Variants in CNBD1 observed in about 807,000 individuals in gnomAD.
CNBD1 encodes cyclic nucleotide binding domain containing 1.
Under a neutral mutation model 54.4 loss-of-function variants are expected in CNBD1, and 71 were observed. The ratio of observed to expected loss-of-function variants is 1.30; its 90% CI spans 1.08 to 1.59. The LOEUF is 1.59. CNBD1 is among the 40% of genes most tolerant of loss of function. CNBD1 has a pLI of 0.00. For synonymous variants in CNBD1, 182 were observed against 170.7 expected (o/e 1.07, Z -0.51); for missense variants, 659 against 518.0 (o/e 1.27, Z -2.64).
intron 4 of CNBD1, among the ~76,000 whole-genome samples, chr8:87,183,759 G>A (rs961330595): frequency 6.6e-6 from 1 of 152,144 alleles, no homozygotes; most frequent in Non-Finnish European, 1.5e-5. Context: ...TACATGTTGG[G>A]TTTAGTTGAT....
chr8:87,375,849 G>C (rs1488271060), intron 10 of CNBD1, among the ~76,000 whole-genome samples: 1 of 151,820 alleles, frequency 6.6e-6, no homozygotes, highest in Non-Finnish European at 1.5e-5. Flanking sequence ...ATATGCTTTT[G>C]GAAAATATAT....
intron 2 of CNBD1, among the ~76,000 whole-genome samples, chr8:87,411,569 A>T (rs1178349639): frequency 6.6e-6 from 1 of 150,628 alleles, no homozygotes; most frequent in Non-Finnish European, 1.5e-5. Context: ...TCACTTATTA[A>T]AATTAAATTT....
intron 4 of CNBD1, among the ~76,000 whole-genome samples, chr8:87,184,846 AG>A (rs1013542121): frequency 2.5e-4 from 38 of 152,284 alleles, no homozygotes; most frequent in African/African-American, 8.9e-4. Flanking sequence ...TGTGTCTGTC[AG>A]CCATCTTGGC....
chr8:87,357,583 G>T (rs1423763709), intron 10 of CNBD1, among the ~76,000 whole-genome samples: 2 of 152,064 alleles, frequency 1.3e-5, no homozygotes, highest in Non-Finnish European at 2.9e-5. Flanking sequence ...ATGTTTACTT[G>T]ATTTCTTTAG....
chr8:87,182,600 A>T lies in CNBD1; in HGVS notation c.432-23393A>T, dbSNP rs937690473. Among the ~76,000 whole-genome samples, 1 of 151,616 alleles carries T rather than the reference A, an allele frequency of 6.6e-6. No individual in the cohort carries two copies. The highest frequency in any genetic ancestry group is 2.4e-5 in the African/African-American group (1 of 41,238). ...TGATAGCCATTCTGACTGATACGAG[A>T]TGGTATCTCATCGTGGTTTTGATTT... On this transcript the variant is annotated intron_variant, in intron 4 of 10. Coordinates refer to ENST00000518476, the MANE Select transcript of CNBD1 (RefSeq NM_173538.3). This position sits in a 1 kb window ranked among gnomAD's most constrained non-coding sequence, Gnocchi z 4.1.
intron 10 of CNBD1, among the ~76,000 whole-genome samples, chr8:87,377,921 T>A (rs975297687): frequency 3.3e-5 from 5 of 149,948 alleles, no homozygotes; most frequent in Admixed American, 6.7e-5. Flanking sequence ...GAGCATTTTT[T>A]CATGTGTTTT....
At chr8:87,379,819 TA>T (rs1394295219) in intron 10 of CNBD1, among the ~76,000 whole-genome samples, 1 of 151,920 alleles carries the variant, frequency 6.6e-6, no homozygotes, top group Non-Finnish European at 1.5e-5. Context: ...GAAGTTGAAG[TA>T]GAATTATAAA....
chr8:87,162,709 C>A (rs538724833), intron 4 of CNBD1, among the ~76,000 whole-genome samples: 104 of 152,194 alleles, frequency 6.8e-4, no homozygotes, highest in African/African-American at 2.4e-3. Flanking sequence ...GATCTCTCTG[C>A]TCCCAAAATT....
intron 8 of CNBD1, among the ~76,000 whole-genome samples, chr8:87,287,566 C>T (rs375707453): frequency 2.0e-5 from 3 of 152,096 alleles, no homozygotes; most frequent in Non-Finnish European, 4.4e-5. Context: ...AGTTCTAAAA[C>T]GAATGAATCT....
At chr8:87,301,646 A>G (rs1257334887) in intron 8 of CNBD1, among the ~76,000 whole-genome samples, 1 of 152,186 alleles carries the variant, frequency 6.6e-6, no homozygotes, top group Non-Finnish European at 1.5e-5. Context: ...AACTAAGAGC[A>G]GAACTGAAGG....
At chr8:87,011,462 T>C (rs1348283796) in intron 4 of CNBD1, among the ~76,000 whole-genome samples, 1 of 152,200 alleles carries the variant, frequency 6.6e-6, no homozygotes, top group Non-Finnish European at 1.5e-5. Context: ...TTATTTGTTC[T>C]TGTTGAAAAA....
chr8:86,972,877 G>A (rs1273075875), intron 4 of CNBD1, among the ~76,000 whole-genome samples: 1 of 152,066 alleles, frequency 6.6e-6, no homozygotes, highest in Non-Finnish European at 1.5e-5. Flanking sequence ...TGCAACTGTA[G>A]CCCTCTCAGG....
intron 4 of CNBD1, among the ~76,000 whole-genome samples, chr8:87,159,887 AG>A (rs1195189202): frequency 1.3e-5 from 2 of 151,988 alleles, no homozygotes; most frequent in Admixed American, 1.3e-4. Context: ...TTATATTTAA[AG>A]GGGGTGGATA....
intron 10 of CNBD1, among the ~76,000 whole-genome samples, chr8:87,367,648 TTA>T (rs1810667763): frequency 6.6e-6 from 1 of 152,138 alleles, no homozygotes; most frequent in African/African-American, 2.4e-5. Context: ...TCTACATACT[TTA>T]TATGTTTTAT....
At chr8:86,867,149 CT>C (rs1247098425) in intron 1 of CNBD1, among the ~76,000 whole-genome samples, 1 of 152,054 alleles carries the variant, frequency 6.6e-6, no homozygotes, top group Admixed American at 6.6e-5. Context: ...ACAGTATTTT[CT>C]CATTTTATGT....
At chr8:87,008,689 A>G (rs1411626631) in intron 4 of CNBD1, among the ~76,000 whole-genome samples, 2 of 152,220 alleles carry the variant, frequency 1.3e-5, no homozygotes, top group Non-Finnish European at 2.9e-5. Flanking sequence ...AACAAAACTG[A>G]GTTGATGTTA....
At chr8:87,281,256 T>C (rs1808592183) in intron 6 of CNBD1, among the ~76,000 whole-genome samples, 1 of 151,318 alleles carries the variant, frequency 6.6e-6, no homozygotes, top group Non-Finnish European at 1.5e-5. Flanking sequence ...GTCTAAAATT[T>C]ACAAATGTAA....
intron 2 of CNBD1, among the ~76,000 whole-genome samples, chr8:86,901,432 T>A (rs1808931260): frequency 6.6e-6 from 1 of 152,186 alleles, no homozygotes; most frequent in African/African-American, 2.4e-5. Flanking sequence ...GGCAAACACA[T>A]AAATATAATT....
chr8:87,393,747 C>A (rs1811356627), intron 2 of CNBD1, among the ~76,000 whole-genome samples: 1 of 151,598 alleles, frequency 6.6e-6, no homozygotes, highest in Non-Finnish European at 1.5e-5. Context: ...AGAAAACCAC[C>A]CTGAACAGGC....
Sources: gnomAD v4.1 joint callset for allele counts (sites outside exome capture counted in the v4.1 genomes callset) on GRCh38, gnomAD v4.1.1 for gene constraint, Gnocchi (gnomAD v3.1) non-coding constraint, MANE v1.5 for transcripts, NCBI Gene and HGNC (gene_info 2026-07-23, HGNC 2026-07-21) for gene names.